GAL3ST2: variants seen among roughly 807,000 people sequenced by gnomAD.
GAL3ST2 encodes the protein beta-galactose-3-O-sulfotransferase 2.
Under a neutral mutation model 12.9 loss-of-function variants are expected in GAL3ST2, and 16 were observed. That is an observed-to-expected ratio of 1.24 (90% confidence interval 0.84 to 1.88). GAL3ST2 has a LOEUF of 1.88. GAL3ST2 is among the 40% of genes most tolerant of loss of function. The pLI is 0.00. For synonymous variants in GAL3ST2, 302 were observed against 273.9 expected (o/e 1.10, Z -1.01); for missense variants, 639 against 571.8 (o/e 1.12, Z -1.20).
In GAL3ST2 at chr2:241,801,923, T is replaced by C. The variant is rs1699855714; in HGVS notation, c.262T>C (p.Ser88Pro). The C allele has an allele frequency of 1.2e-6, 2 of 1,612,838 alleles. No homozygotes were observed. The highest frequency in any genetic ancestry group is 2.2e-5 in the South Asian group (2 of 91,074). The change falls in exon 3 of 4, where the codon TCA (serine) becomes CCA (proline). Residue 88 changes from serine (S) to proline (P), a missense_variant. Coordinates refer to ENST00000192314, the MANE Select transcript of GAL3ST2 (RefSeq NM_022134.3). This position sits in a 1 kb window ranked among gnomAD's most constrained non-coding sequence, Gnocchi z 4.4. ...CCTGTCCGTGGCGCTGCCCGCCGGCTCACGCGTCCACCTGGGCTACCCCTG... is the reference window on the plus strand; with the variant it reads ...CCTGTCCGTGGCGCTGCCCGCCGGCCCACGCGTCCACCTGGGCTACCCCTG... ...HNLSVALPAGSRVHLGYPWLF... is the reference protein window; with the variant it reads ...HNLSVALPAGPRVHLGYPWLF...
At chr2:241,779,214 ATTTTTTTTTTTTTTTTTTTTTT>A (rs56979777) in intron 1 of GAL3ST2, among the ~76,000 whole-genome samples, 15 of 54,550 alleles carry the variant, frequency 2.7e-4, no homozygotes, top group East Asian at 6.5e-4. Context: ...AGGAAAGCTC[ATTTTTTTTTTTTTTTTTTTTTT>A]TTTTTTTTTT....
At chr2:241,788,402 CT>C (rs2125191945) in intron 1 of GAL3ST2, among the ~76,000 whole-genome samples, 1 of 151,596 alleles carries the variant, frequency 6.6e-6, no homozygotes, top group East Asian at 1.9e-4. Context: ...TTTTTCTTTT[CT>C]CTCCTAGGAG....
chr2:241,786,060 C>G lies in GAL3ST2; in HGVS notation c.29+9076C>G, dbSNP rs1267878742. ...GGTGGTCTTGTTATGTAAATAAAGTCCCTTTAGTAGTCAAAATAAAAAATA... is the reference window on the plus strand; with the variant it reads ...GGTGGTCTTGTTATGTAAATAAAGTGCCTTTAGTAGTCAAAATAAAAAATA... On this transcript the variant is annotated intron_variant, in intron 1 of 3. Coordinates refer to ENST00000192314, the MANE Select transcript of GAL3ST2 (RefSeq NM_022134.3). Among the ~76,000 whole-genome samples the G allele has an allele frequency of 3.3e-5, 5 of 152,164 alleles. No homozygotes were observed. The East Asian group carries it at 9.7e-4, about 29-fold the overall frequency.
rs891469770 is a variant in GAL3ST2, at chr2:241,793,981, C to T, written c.30-5084C>T. The stretch of plus-strand genomic sequence containing the variant: ...TTATTTTTTGAGACAGAGACTGGCT[C>T]TGTGACCCGGGCTAGAGTGTGGTGG... On this transcript the variant is annotated intron_variant, in intron 1 of 3. Transcript: ENST00000192314. This position sits in a 1 kb window ranked among gnomAD's most constrained non-coding sequence, Gnocchi z 4.7. Among the ~76,000 whole-genome samples, 3 of 152,176 alleles carry T rather than the reference C, an allele frequency of 2.0e-5. No individual in the cohort carries two copies. The highest frequency in any genetic ancestry group is 7.2e-5 in the African/African-American group (3 of 41,426).
rs73106163 is a variant in GAL3ST2 at position 241,790,845 on chromosome 2, T to G, written c.30-8220T>G. ...AACATTTTACAACCTGCTCTCTCTTTGAAGTCTGCTATCTGAGAGCTCCCT... is the reference window on the plus strand; with the variant it reads ...AACATTTTACAACCTGCTCTCTCTTGGAAGTCTGCTATCTGAGAGCTCCCT... On this transcript the variant is annotated intron_variant, in intron 1 of 3. Transcript: ENST00000192314. Among the ~76,000 whole-genome samples the G allele has an allele frequency of 7.4e-3, 1,130 of 152,210 alleles. 25 individuals are homozygous for G. Among genetic ancestry groups the G allele is most frequent in the African/African-American group, 0.025 (1,046 of 41,548 alleles).
At chr2:241,787,026 A>G (rs1466747155) in intron 1 of GAL3ST2, among the ~76,000 whole-genome samples, 3 of 152,128 alleles carry the variant, frequency 2.0e-5, no homozygotes, top group Non-Finnish European at 4.4e-5. Flanking sequence ...AGAAACTCAG[A>G]GAGGGTAATC....
At chr2:241,781,795 A>C (rs1699570771) in intron 1 of GAL3ST2, among the ~76,000 whole-genome samples, 1 of 152,368 alleles carries the variant, frequency 6.6e-6, no homozygotes, top group African/African-American at 2.4e-5. Context: ...TAATGTCTTA[A>C]AGGATTAATT....
rs1318969742 is a variant in GAL3ST2 at position 241,776,939 on chromosome 2, G to A, written c.-17G>A. 8 of 1,535,544 alleles carry A rather than the reference G, an allele frequency of 5.2e-6. No individual in the cohort carries two copies. Among genetic ancestry groups the A allele is most frequent in the Non-Finnish European group, 7.0e-6 (8 of 1,135,990 alleles). ...CTCAAGCCTCGACTGTCCCCTCGCT[G>A]GAGGCCAGAGGCCAAGATGATGTCC... is the stretch of plus-strand genomic sequence containing the variant. On this transcript the variant is annotated 5_prime_UTR_variant, in exon 1 of 4. Coordinates refer to ENST00000192314, the MANE Select transcript of GAL3ST2 (RefSeq NM_022134.3).
chr2:241,791,789 T>G (rs1699695983), intron 1 of GAL3ST2, among the ~76,000 whole-genome samples: 1 of 152,200 alleles, frequency 6.6e-6, no homozygotes, highest in Non-Finnish European at 1.5e-5. Context: ...TGATTTGTCT[T>G]TAGTGAAAAT....
intron 1 of GAL3ST2, among the ~76,000 whole-genome samples, chr2:241,783,725 T>G (rs907317360): frequency 1.3e-5 from 2 of 152,270 alleles, no homozygotes; most frequent in African/African-American, 4.8e-5. Flanking sequence ...ATTCATCATT[T>G]AACGTTATGA....
Position 241,801,745 on chromosome 2 carries a change from A to G in GAL3ST2, c.120-36A>G. ...GTTGGGCGGGGGTTGGGGCATCTGC[A>G]CCCTTGCTGAAGGCTGCGTGTGCCT... is the stretch of plus-strand genomic sequence containing the variant. On this transcript the variant is annotated intron_variant, in intron 2 of 3. Transcript: ENST00000192314. This position sits in a 1 kb window ranked among gnomAD's most constrained non-coding sequence, Gnocchi z 4.4. 1 of 1,597,986 alleles carries G rather than the reference A, an allele frequency of 6.3e-7. No homozygotes were observed. The highest frequency in any genetic ancestry group is 8.5e-7 in the Non-Finnish European group (1 of 1,172,640).
In GAL3ST2 at chr2:241,776,933, C is replaced by T. The variant is rs1157055690; in HGVS notation, c.-23C>T. 1 of 1,528,708 alleles carries T rather than the reference C, an allele frequency of 6.5e-7. No homozygotes were observed. Among genetic ancestry groups the T allele is most frequent in the Non-Finnish European group, 8.8e-7 (1 of 1,132,550 alleles). 94.7% of individuals were successfully genotyped at this position (1,528,708 alleles called of 1,614,324 possible). A position where few individuals can be genotyped will look rare whatever the true frequency, so the allele number is the denominator to read the frequency against. The stretch of plus-strand genomic sequence containing the variant: ...GGGGAGCTCAAGCCTCGACTGTCCC[C>T]TCGCTGGAGGCCAGAGGCCAAGATG... On this transcript the variant is annotated 5_prime_UTR_variant, in exon 1 of 4. Transcript: ENST00000192314.
At position 241,803,446 on chromosome 2, in the gene GAL3ST2, C is replaced by T; in HGVS notation, c.477C>T (p.Pro159=). Residue 159 remains proline, a synonymous_variant, in exon 4 of 4, where the codon CCC becomes CCT. Transcript: ENST00000192314. ...TCATCTACTACAAAACCTACGCCCC[C>T]GCCTTCCGGGGCGCCCCGAGCCTGG... is the stretch of plus-strand genomic sequence containing the variant. ...SSFIYYKTYA[P]AFRGAPSLDA... The T allele has an allele frequency of 6.2e-7, 1 of 1,612,046 alleles. No individual in the cohort carries two copies. The highest frequency in any genetic ancestry group is 8.5e-7 in the Non-Finnish European group (1 of 1,179,480).
intron 1 of GAL3ST2, among the ~76,000 whole-genome samples, chr2:241,780,079 T>C (rs1699547851): frequency 6.6e-6 from 1 of 151,112 alleles, no homozygotes; most frequent in African/African-American, 2.4e-5. Flanking sequence ...TTAGGAAAAA[T>C]GGGAAAAAAA....
In GAL3ST2 at chr2:241,776,993, G is replaced by A. The variant is rs763958342; in HGVS notation, c.29+9G>A. 4 of 1,530,228 alleles carry A rather than the reference G, an allele frequency of 2.6e-6. No individual in the cohort carries two copies. Among genetic ancestry groups the A allele is most frequent in the Non-Finnish European group, 3.5e-6 (4 of 1,132,438 alleles). The allele number at this position is 1,530,228 out of a possible 1,614,324, so 94.8% of individuals were successfully genotyped here. ...CTGGGCGGCTTGCAGAGGTAAGGGG[G>A]GCAGTTGGACCCCCCAGGTGGACAA... is the stretch of plus-strand genomic sequence containing the variant. On this transcript the variant is annotated intron_variant, in intron 1 of 3. Coordinates refer to ENST00000192314, the MANE Select transcript of GAL3ST2 (RefSeq NM_022134.3).
chr2:241,794,449 CTCTT>C (rs1164488982), intron 1 of GAL3ST2, among the ~76,000 whole-genome samples: 1 of 152,228 alleles, frequency 6.6e-6, no homozygotes, highest in African/African-American at 2.4e-5. Context: ...GGCCTCTCTT[CTCTT>C]TCTTTTGGGG....
chr2:241,794,453 T>C (rs1163947060), intron 1 of GAL3ST2, among the ~76,000 whole-genome samples: 1 of 152,186 alleles, frequency 6.6e-6, no homozygotes, highest in African/African-American at 2.4e-5. Flanking sequence ...TCTCTTCTCT[T>C]TCTTTTGGGG....
chr2:241,794,371 G>A (rs1217883594), intron 1 of GAL3ST2, among the ~76,000 whole-genome samples: 1 of 152,224 alleles, frequency 6.6e-6, no homozygotes, highest in African/African-American at 2.4e-5. Context: ...GGTTGTGCTT[G>A]CAGGGCCGAG....
chr2:241,776,911 G>T lies in GAL3ST2; in HGVS notation c.-45G>T, dbSNP rs1575359316. On this transcript the variant is annotated 5_prime_UTR_variant, in exon 1 of 4. Coordinates refer to ENST00000192314, the MANE Select transcript of GAL3ST2 (RefSeq NM_022134.3). ...GGGCCGAGGCGGTGGGACCTCGGGG[G>T]AGCTCAAGCCTCGACTGTCCCCTCG... is the stretch of plus-strand genomic sequence containing the variant. 1.4e-6 allele frequency: 2 copies of T among 1,451,260 alleles called. No individual in the cohort carries two copies. The highest frequency in any genetic ancestry group is 5.4e-5 in the East Asian group (2 of 37,008). 89.9% of individuals were successfully genotyped at this position (1,451,260 alleles called of 1,614,324 possible).
Sources: gnomAD v4.1 joint callset for allele counts (sites outside exome capture counted in the v4.1 genomes callset) on GRCh38, gnomAD v4.1.1 for gene constraint, Gnocchi (gnomAD v3.1) non-coding constraint, MANE v1.5 for transcripts, NCBI Gene and HGNC (gene_info 2026-07-23, HGNC 2026-07-21) for gene names.